Variants in DDX60 observed in about 807,000 individuals in gnomAD.
DDX60 encodes DExD/H-box helicase 60.
A neutral mutation model predicts 212.8 loss-of-function variants in DDX60; 165 were observed. The ratio of observed to expected loss-of-function variants is 0.78; its 90% CI spans 0.68 to 0.88. DDX60 has a LOEUF of 0.88. DDX60 is among the 40% of genes least tolerant of loss of function. DDX60 has a pLI of 0.00. For synonymous variants in DDX60, 703 were observed against 685.3 expected, an observed-to-expected ratio of 1.03 and a Z score of -0.40; for missense variants, 1,905 against 2,003.9, an observed-to-expected ratio of 0.95 and a Z score of 0.94.
intron 37 of DDX60, among the ~76,000 whole-genome samples, chr4:168,217,412 A>G (rs1732886015): frequency 6.6e-6 from 1 of 152,222 alleles, no homozygotes; most frequent in Admixed American, 6.5e-5. Flanking sequence ...TGAAACCCAC[A>G]GGCAGCTACA....
chr4:168,259,716 T>C (rs1263131148), intron 25 of DDX60, among the ~76,000 whole-genome samples: 2 of 150,434 alleles, frequency 1.3e-5, no homozygotes, highest in Non-Finnish European at 3.0e-5. Context: ...ATCCATTTAA[T>C]AAATTATACT....
Position 168,275,958 on chromosome 4 carries a change from A to G in DDX60, c.2145+57T>C, listed in dbSNP as rs964907676. On this transcript the variant is annotated intron_variant, in intron 15 of 37. Coordinates refer to ENST00000393743, the MANE Select transcript of DDX60 (RefSeq NM_017631.6). ...GAAGAGATGACTATCTTTGCAAAAC[A>G]CTTTATGTATACCTAATAATTACCC... The G allele has an allele frequency of 4.9e-6, 7 of 1,422,394 alleles. No individual in the cohort carries two copies. In the African/African-American group the frequency reaches 8.7e-5, roughly 18 times the overall value. 88.1% of individuals were successfully genotyped at this position (1,422,394 alleles called of 1,614,324 possible). A position where few individuals can be genotyped will look rare whatever the true frequency, so the allele number is the denominator to read the frequency against.
chr4:168,286,655 C>G (rs1428238785), intron 10 of DDX60, among the ~76,000 whole-genome samples: 1 of 151,930 alleles, frequency 6.6e-6, no homozygotes, highest in Non-Finnish European at 1.5e-5. Flanking sequence ...GCCCATGTGG[C>G]CTTCCCTAAA....
intron 30 of DDX60, among the ~76,000 whole-genome samples, chr4:168,239,269 AGATAGATGATT>A (rs1733750281): frequency 6.6e-6 from 1 of 152,088 alleles, no homozygotes; most frequent in Admixed American, 6.6e-5. Flanking sequence ...GATGATAGGT[AGATAGATGATT>A]GATAGATGTA....
At chr4:168,308,349 T>C (rs572522215) in intron 3 of DDX60, among the ~76,000 whole-genome samples, 154 bp from the exon 4 acceptor site, 2 of 152,328 alleles carry the variant, frequency 1.3e-5, no homozygotes, top group Non-Finnish European at 2.9e-5. Flanking sequence ...TTCAAACATA[T>C]CTACATTCAC....
chr4:168,309,369 T>C (rs2149552507), intron 3 of DDX60, among the ~76,000 whole-genome samples: 1 of 152,350 alleles, frequency 6.6e-6, no homozygotes, highest in Non-Finnish European at 1.5e-5. Flanking sequence ...CATAGATTGA[T>C]GCTTGCAGCT....
rs1173273630 is a variant in DDX60 at position 168,293,919 on chromosome 4, T to C, written c.750A>G (p.Thr250=). 2 of 1,613,338 alleles carry C rather than the reference T, an allele frequency of 1.2e-6. No individual in the cohort carries two copies. The highest frequency in any genetic ancestry group is 8.5e-7 in the Non-Finnish European group (1 of 1,179,836). The change falls in exon 7 of 38, where the codon ACA becomes ACG. Residue 250 remains threonine (T), a synonymous_variant. Transcript: ENST00000393743. Reference sequence around the variant, plus strand: ...TGTCAGATCCTTCTGGCCAGACTTGTGTAAGCAGAGATACAGTCTTGTGTG... The same window carrying C: ...TGTCAGATCCTTCTGGCCAGACTTGCGTAAGCAGAGATACAGTCTTGTGTG... ...EEAHKTVSLL[T]QVWPEGSDIR...
intron 35 of DDX60, among the ~76,000 whole-genome samples, chr4:168,223,089 G>A (rs1385808008): frequency 6.6e-6 from 1 of 152,008 alleles, no homozygotes; most frequent in Non-Finnish European, 1.5e-5. Context: ...TTTGTAATAT[G>A]TAGTTTTTAA....
chr4:168,254,993 T>C (rs771510726), intron 26 of DDX60, among the ~76,000 whole-genome samples: 2 of 152,156 alleles, frequency 1.3e-5, no homozygotes, highest in African/African-American at 2.4e-5. Context: ...ACATTGAGCA[T>C]GGGATAATTT....
At position 168,260,917 on chromosome 4, in the gene DDX60, G is replaced by C; in HGVS notation, c.3346C>G (p.Leu1116Val). ...SPENMITMFP[L>V]LVEKLRKMEK... is the part of the protein sequence containing the mutation. ...ATTTTCCTTAGTTTTTCAACTAGAA[G>C]TGGAAACATGGTGATCATGTTTTCT... Residue 1116 changes from leucine (L) to valine (V), a missense_variant, in exon 25 of 38, where the codon CTT (leucine) becomes GTT (valine). Coordinates refer to ENST00000393743, the MANE Select transcript of DDX60 (RefSeq NM_017631.6). 6.2e-7 allele frequency: 1 copy of C among 1,610,238 alleles called. No individual in the cohort carries two copies. Among genetic ancestry groups the C allele is most frequent in the Non-Finnish European group, 8.5e-7 (1 of 1,176,938 alleles).
At chr4:168,240,392 C>A (rs1040010373) in intron 30 of DDX60, among the ~76,000 whole-genome samples, 1 of 152,162 alleles carries the variant, frequency 6.6e-6, no homozygotes, top group African/African-American at 2.4e-5. Flanking sequence ...AATGGCCATA[C>A]TGCCCAGAGT....
chr4:168,248,987 C>T lies in DDX60; in HGVS notation c.3859-695G>A, dbSNP rs141134411. 8.6e-4 allele frequency among the ~76,000 whole-genome samples: 131 copies of T among 152,128 alleles called. 1 individual carries two copies. The East Asian group carries it at 0.021, about 24-fold the overall frequency. ...GTTGGCTAGGCTGGTCTTGAACTCC[C>T]GACCTCAGCTGATCCACCCACTTTG... On this transcript the variant is annotated intron_variant, in intron 28 of 37. Transcript: ENST00000393743.
At chr4:168,260,437 G>A (rs1311912889) in intron 25 of DDX60, among the ~76,000 whole-genome samples, 2 of 152,138 alleles carry the variant, frequency 1.3e-5, no homozygotes, top group Non-Finnish European at 2.9e-5. Context: ...CTACGATAGG[G>A]AACTTTGTAT....
intron 28 of DDX60, among the ~76,000 whole-genome samples, 199 bp from the exon 29 acceptor site, chr4:168,248,491 C>T (rs913789764): frequency 3.3e-5 from 5 of 152,178 alleles, no homozygotes; most frequent in African/African-American, 1.2e-4. Flanking sequence ...TTGCTTTGCA[C>T]AGAATATTCT....
Position 168,219,674 on chromosome 4 carries a change from A to G in DDX60, c.5039+981T>C, listed in dbSNP as rs1732981205. 2.6e-5 allele frequency among the ~76,000 whole-genome samples: 4 copies of G among 152,280 alleles called. 1 individual carries two copies. The South Asian group carries it at 8.3e-4, about 32-fold the overall frequency. Reference sequence around the variant, plus strand: ...GAGAGAGTTGTGGCAAATTAAATATATAAAAAGGGATAGGACGAAGCAACA... The same window carrying G: ...GAGAGAGTTGTGGCAAATTAAATATGTAAAAAGGGATAGGACGAAGCAACA... On this transcript the variant is annotated intron_variant, in intron 37 of 37. Transcript: ENST00000393743.
chr4:168,263,102 G>A (rs538425899), intron 22 of DDX60, among the ~76,000 whole-genome samples: 5 of 152,290 alleles, frequency 3.3e-5, no homozygotes, highest in African/African-American at 1.2e-4. Context: ...ACTCAGTTTA[G>A]ACAATACATA....
intron 32 of DDX60, 118 bp from the exon 33 acceptor site, chr4:168,236,491 A>G (rs1056626562): frequency 4.0e-5 from 35 of 881,664 alleles, no homozygotes; most frequent in Non-Finnish European, 5.6e-5. Context: ...TATGACAAAC[A>G]TAGCAATTGA....
In DDX60 at chr4:168,273,891, G is replaced by A. The variant is rs371884598; in HGVS notation, c.2454+43C>T. 28 of 1,564,482 alleles carry A rather than the reference G, an allele frequency of 1.8e-5. No homozygotes were observed. In the African/African-American group the frequency reaches 3.8e-4, roughly 21 times the overall value. On this transcript the variant is annotated intron_variant, in intron 17 of 37. Transcript: ENST00000393743. ...CCATGTTCATTATTTTTAAATAGTA[G>A]GTTCAGGAATGAAAGAGAATATTAT...
At chr4:168,310,636 A>G (rs1297070712) in intron 3 of DDX60, among the ~76,000 whole-genome samples, 1 of 152,150 alleles carries the variant, frequency 6.6e-6, no homozygotes, top group Admixed American at 6.6e-5. Flanking sequence ...ACTTCTTGGT[A>G]GAGCAGAGAG....
Sources: allele counts gnomAD v4.1 joint callset (sites outside exome capture counted in the v4.1 genomes callset), GRCh38; gene constraint gnomAD v4.1.1; transcripts MANE v1.5; gene names NCBI Gene and HGNC (gene_info 2026-07-23, HGNC 2026-07-21).